Variants in TSPAN9 observed in about 807,000 individuals in gnomAD.
TSPAN9 encodes tetraspanin-9.
Under a neutral mutation model 31.0 loss-of-function variants are expected in TSPAN9, and 16 were observed. The observed-to-expected ratio is 0.52, with a 90% confidence interval of 0.35 to 0.78. TSPAN9 has a LOEUF of 0.78. Among genes scored for constraint, TSPAN9 ranks in the 30% least tolerant of loss-of-function variants. The pLI is 0.01. For synonymous variants in TSPAN9, 145 were observed against 121.6 expected (o/e 1.19, Z -1.27); for missense variants, 272 against 312.5 (o/e 0.87, Z 0.98).
At chr12:3,166,254 TTTTAA>T (rs2098348373) in intron 2 of TSPAN9, among the ~76,000 whole-genome samples, 2 of 152,374 alleles carry the variant, frequency 1.3e-5, no homozygotes, top group African/African-American at 4.8e-5. Context: ...GACATTTATA[TTTTAA>T]TTTGTGATGT....
At chr12:3,083,248 G>C (rs1313980162) in intron 1 of TSPAN9, among the ~76,000 whole-genome samples, 2 of 152,220 alleles carry the variant, frequency 1.3e-5, no homozygotes, top group Non-Finnish European at 2.9e-5. Flanking sequence ...ATCTCAGTGA[G>C]TTTACACACT....
chr12:3,202,349 G>A (rs2098372420), intron 3 of TSPAN9, among the ~76,000 whole-genome samples: 1 of 152,220 alleles, frequency 6.6e-6, no homozygotes, highest in Non-Finnish European at 1.5e-5. Flanking sequence ...GTCATTCAGA[G>A]TGAAGTTGGG....
At chr12:3,229,094 A>G (rs2098389326) in intron 3 of TSPAN9, among the ~76,000 whole-genome samples, 1 of 152,220 alleles carries the variant, frequency 6.6e-6, no homozygotes. Flanking sequence ...CCTCTTCCAA[A>G]TAAGGTCACA....
rs558559937 is a variant in TSPAN9, at chr12:3,143,604, A to G, written c.-17-57573A>G. Among the ~76,000 whole-genome samples the G allele has an allele frequency of 1.2e-4, 19 of 152,350 alleles. No homozygotes were observed. The South Asian group carries it at 3.7e-3, about 30-fold the overall frequency. On this transcript the variant is annotated intron_variant, in intron 2 of 8. Transcript: ENST00000011898. This position sits in a 1 kb window ranked among gnomAD's most constrained non-coding sequence, Gnocchi z 4.2. ...AGATAAAAAGTATAAATGTATGGAT[A>G]TAGGATATATAATAAATATCAGGAT...
intron 2 of TSPAN9, among the ~76,000 whole-genome samples, chr12:3,185,206 C>T (rs539846285): frequency 2.3e-4 from 35 of 152,156 alleles, no homozygotes; most frequent in African/African-American, 6.7e-4. Flanking sequence ...TGAGGGGAGA[C>T]GGGGCGGGAG....
chr12:3,084,447 C>T (rs1322670664), intron 2 of TSPAN9, among the ~76,000 whole-genome samples: 2 of 151,538 alleles, frequency 1.3e-5, no homozygotes, highest in African/African-American at 2.4e-5. Context: ...ATGGTGTAGT[C>T]GGTGGAGCAG....
intron 1 of TSPAN9, among the ~76,000 whole-genome samples, chr12:3,083,407 A>G (rs191865602): frequency 3.3e-5 from 5 of 152,304 alleles, no homozygotes; most frequent in Non-Finnish European, 7.3e-5. Flanking sequence ...ATCACTAATC[A>G]ATCGCAGCTG....
chr12:3,168,367 TG>T lies in TSPAN9; in HGVS notation c.-17-32809del, dbSNP rs1291684225. Among the ~76,000 whole-genome samples the T allele has an allele frequency of 6.6e-6, 1 of 152,188 alleles. No homozygotes were observed. Among genetic ancestry groups the T allele is most frequent in the Non-Finnish European group, 1.5e-5 (1 of 68,046 alleles). On this transcript the variant is annotated intron_variant, in intron 2 of 8. Transcript: ENST00000011898. This position sits in a 1 kb window ranked among gnomAD's most constrained non-coding sequence, Gnocchi z 4.0. ...AGACCCAGAGGGGAGCCAAAATCTG[TG>T]CCTTCGCAATATGTTCCGGGTGCTG...
chr12:3,172,342 GC>G lies in TSPAN9; in HGVS notation c.-17-28831del. The G allele has an allele frequency of 6.6e-6, 1 of 152,502 alleles. No individual in the cohort carries two copies. Among genetic ancestry groups the G allele is most frequent in the Non-Finnish European group, 1.5e-5 (1 of 68,164 alleles). The allele number at this position is 152,502 out of a possible 1,614,324, so 9.4% of individuals were successfully genotyped here. A position where few individuals can be genotyped will look rare whatever the true frequency, so the allele number is the denominator to read the frequency against. On this transcript the variant is annotated intron_variant, in intron 2 of 8. Coordinates refer to ENST00000011898, the MANE Select transcript of TSPAN9 (RefSeq NM_006675.5). The surrounding 1 kb of genome is among the most constrained non-coding windows in gnomAD (Gnocchi z 4.8). ...GCCTCCCCGCCCAGCTCTGGAGGCA[GC>G]CCCGGGGAGCCGGCATGGTCAGGGT...
At chr12:3,220,836 C>T (rs571937585) in intron 3 of TSPAN9, among the ~76,000 whole-genome samples, 7 of 152,076 alleles carry the variant, frequency 4.6e-5, no homozygotes, top group South Asian at 2.1e-4. Flanking sequence ...TGGGTTCTTC[C>T]GTTCAGAGGA....
intron 2 of TSPAN9, among the ~76,000 whole-genome samples, chr12:3,155,763 A>G (rs1341813614): frequency 1.3e-5 from 2 of 152,248 alleles, no homozygotes; most frequent in Non-Finnish European, 2.9e-5. Context: ...CCGTTTTCCC[A>G]TCACGCAGTG....
chr12:3,248,015 A>T (rs1005798892), intron 3 of TSPAN9, among the ~76,000 whole-genome samples: 1 of 152,236 alleles, frequency 6.6e-6, no homozygotes, highest in Non-Finnish European at 1.5e-5. Flanking sequence ...ATCAAATGAC[A>T]GACTGACTGT....
At chr12:3,157,501 T>C (rs1190500467) in intron 2 of TSPAN9, among the ~76,000 whole-genome samples, 1 of 152,210 alleles carries the variant, frequency 6.6e-6, no homozygotes, top group East Asian at 1.9e-4. Context: ...CCTCTGAATC[T>C]CAGTTTCTCC....
In TSPAN9 at chr12:3,268,830, A is replaced by G. The variant is rs367982010; in HGVS notation, c.64-9591A>G. Among the ~76,000 whole-genome samples the G allele has an allele frequency of 2.7e-3, 146 of 53,834 alleles. 2 individuals are homozygous for G. The highest frequency in any genetic ancestry group is 4.4e-3 in the African/African-American group (63 of 14,480). The allele number at this position is 53,834 out of a possible 152,430, so 35.3% of individuals were successfully genotyped here. A position where few individuals can be genotyped will look rare whatever the true frequency, so the allele number is the denominator to read the frequency against. ...TGTTCCTGCAACCTGCCCTCCGTGCATTCCTGCAGCCTGCCCTCCGTGCAT... is the reference window on the plus strand; with the variant it reads ...TGTTCCTGCAACCTGCCCTCCGTGCGTTCCTGCAGCCTGCCCTCCGTGCAT... On this transcript the variant is annotated intron_variant, in intron 3 of 8. Transcript: ENST00000011898.
chr12:3,121,232 T>C (rs558758001), intron 2 of TSPAN9, among the ~76,000 whole-genome samples: 1 of 152,296 alleles, frequency 6.6e-6, no homozygotes, highest in East Asian at 1.9e-4. Flanking sequence ...ATTTTGCAGA[T>C]CTCAGGCTTA....
intron 2 of TSPAN9, among the ~76,000 whole-genome samples, chr12:3,145,617 CAGA>C (rs2098336802): frequency 6.6e-6 from 1 of 152,190 alleles, no homozygotes; most frequent in African/African-American, 2.4e-5. Flanking sequence ...ACAGTGAGGG[CAGA>C]AGAACAGGGA....
intron 2 of TSPAN9, among the ~76,000 whole-genome samples, chr12:3,181,735 A>AC (rs1446821631): frequency 6.6e-6 from 1 of 151,950 alleles, no homozygotes; most frequent in African/African-American, 2.4e-5. Flanking sequence ...GGGCCTTCTG[A>AC]CCCCAGCCCT....
intron 2 of TSPAN9, among the ~76,000 whole-genome samples, chr12:3,160,599 C>T (rs1038261247): frequency 2.0e-5 from 3 of 152,166 alleles, no homozygotes; most frequent in Non-Finnish European, 4.4e-5. Context: ...CCAATTTCTC[C>T]ACATCCTTGT....
intron 2 of TSPAN9, among the ~76,000 whole-genome samples, chr12:3,112,500 A>G (rs2098319508): frequency 6.6e-6 from 1 of 150,788 alleles, no homozygotes; most frequent in South Asian, 2.1e-4. Flanking sequence ...TTTATCTCTG[A>G]TTTTATTTAT....
Sources: gnomAD v4.1 joint callset for allele counts (sites outside exome capture counted in the v4.1 genomes callset) on GRCh38, gnomAD v4.1.1 for gene constraint, Gnocchi (gnomAD v3.1) non-coding constraint, MANE v1.5 for transcripts, NCBI Gene and HGNC (gene_info 2026-07-23, HGNC 2026-07-21) for gene names.